PEX5L: variants seen among roughly 807,000 people sequenced by gnomAD.
PEX5L encodes PEX5-related protein.
In PEX5L, 30 loss-of-function variants were observed where a neutral mutation model predicts 84.0. The ratio of observed to expected loss-of-function variants is 0.36; its 90% confidence interval spans 0.27 to 0.48. PEX5L has a LOEUF of 0.48. Among genes scored for constraint, PEX5L ranks in the 20% least tolerant of loss-of-function variants. The pLI is 0.99. For synonymous variants in PEX5L, 270 were observed against 283.1 expected (o/e 0.95, Z 0.46); for missense variants, 533 against 754.6 (o/e 0.71, Z 3.44).
At chr3:179,873,665 G>A (rs6769641) in intron 7 of PEX5L, among the ~76,000 whole-genome samples, 69,944 of 151,920 alleles carry the variant, frequency 0.46, 16,523 homozygotes, top group East Asian at 0.79. Flanking sequence ...ACTTCCACCA[G>A]TGATTTAGCT....
At chr3:179,818,668 T>TA (rs924644082) in intron 9 of PEX5L, among the ~76,000 whole-genome samples, 44 of 152,080 alleles carry the variant, frequency 2.9e-4, no homozygotes, top group African/African-American at 1.0e-3. Context: ...TCATTTGTTT[T>TA]AAATTTAGCT....
chr3:179,977,999 T>TGGGTGAGA (rs1785974951), intron 1 of PEX5L, among the ~76,000 whole-genome samples: 1 of 152,206 alleles, frequency 6.6e-6, no homozygotes, highest in Non-Finnish European at 1.5e-5. Context: ...ATGTACGTTG[T>TGGGTGAGA]TGGGTGAGAA....
At chr3:179,893,345 C>A (rs1448012609) in intron 3 of PEX5L, among the ~76,000 whole-genome samples, 1 of 152,096 alleles carries the variant, frequency 6.6e-6, no homozygotes, top group Admixed American at 6.6e-5. Context: ...TAAAATTAAA[C>A]TATTAAATAA....
In PEX5L at chr3:179,819,859, C is replaced by A. The variant is rs1727758952; in HGVS notation, c.939+1G>T. The A allele has an allele frequency of 5.0e-6, 8 of 1,613,796 alleles. No individual in the cohort carries two copies. The highest frequency in any genetic ancestry group is 6.8e-6 in the Non-Finnish European group (8 of 1,179,754). ...GCATGTATAGGAACAGAATTGGTTA[C>A]CTTCTCACTAGCCGAGATGGTTACT... On this transcript the variant is annotated splice_donor_variant, in intron 9 of 14. Transcript: ENST00000467460. LOFTEE classifies it high-confidence loss of function.
At chr3:179,951,035 C>T (rs1778951562) in intron 2 of PEX5L, among the ~76,000 whole-genome samples, 1 of 152,208 alleles carries the variant, frequency 6.6e-6, no homozygotes, top group Admixed American at 6.5e-5. Flanking sequence ...AGTCTGTTCT[C>T]TTTTGTCAGG....
rs1308247609 is a variant in PEX5L at position 179,880,015 on chromosome 3, T to C, written c.419A>G (p.Lys140Arg). The change falls in exon 5 of 15, where the codon AAG becomes AGG. Residue 140 changes from lysine to arginine, a missense_variant. Coordinates refer to ENST00000467460, the MANE Select transcript of PEX5L (RefSeq NM_016559.3). ...PSSKTSSLKK[K>R]ADGSDLISTD... The stretch of plus-strand genomic sequence containing the variant: ...GCTGATGAGGTCAGATCCATCGGCC[T>C]TTTTCTTGAGGGATGAGGTTTTTGA... 1 of 1,613,222 alleles carries C rather than the reference T, an allele frequency of 6.2e-7. No homozygotes were observed. The highest frequency in any genetic ancestry group is 1.7e-5 in the Admixed American group (1 of 59,916).
At chr3:179,995,017 GTGAGT>G (rs1207419813) in intron 1 of PEX5L, among the ~76,000 whole-genome samples, 1 of 150,200 alleles carries the variant, frequency 6.7e-6, no homozygotes, top group Non-Finnish European at 1.5e-5. Flanking sequence ...TGTAGTTAGT[GTGAGT>G]TAATACTTAA....
intron 8 of PEX5L, among the ~76,000 whole-genome samples, chr3:179,831,197 C>A (rs1397495463): frequency 6.6e-6 from 1 of 151,866 alleles, no homozygotes; most frequent in East Asian, 1.9e-4. Flanking sequence ...TGCCTGTAAT[C>A]CCAGCTACTC....
rs1784807202 is a variant in PEX5L, at chr3:179,971,769, T to A, written c.22-104A>T. 5.6e-6 allele frequency: 6 copies of A among 1,072,926 alleles called. No individual in the cohort carries two copies. The South Asian group carries it at 6.4e-5, about 11-fold the overall frequency. The allele number at this position is 1,072,926 out of a possible 1,614,324, so 66.5% of individuals were successfully genotyped here. On this transcript the variant is annotated intron_variant, in intron 1 of 14. Transcript: ENST00000467460. The stretch of plus-strand genomic sequence containing the variant: ...TAAAAGTCTTAGCCTTGTTCACCAG[T>A]CATAATGCATCATTCTTTATATAAA...
At chr3:179,871,513 T>C (rs1750383141) in intron 7 of PEX5L, among the ~76,000 whole-genome samples, 1 of 152,236 alleles carries the variant, frequency 6.6e-6, no homozygotes, top group Non-Finnish European at 1.5e-5. Context: ...TCTAACAGTA[T>C]ATTGTTAAAT....
At chr3:179,813,870 G>T (rs1205716339) in intron 10 of PEX5L, among the ~76,000 whole-genome samples, 2 of 151,334 alleles carry the variant, frequency 1.3e-5, no homozygotes, top group African/African-American at 4.8e-5. Flanking sequence ...TAGAGGCGGG[G>T]TTTCACCTTG....
intron 8 of PEX5L, among the ~76,000 whole-genome samples, chr3:179,835,926 A>G (rs115527661): frequency 1.1e-3 from 175 of 152,342 alleles, no homozygotes; most frequent in African/African-American, 4.0e-3. Context: ...TCATTTAGGT[A>G]TCTGTATTGG....
At position 179,880,171 on chromosome 3, in the gene PEX5L, A is replaced by T. The variant is rs373042843; in HGVS notation, c.311-48T>A. On this transcript the variant is annotated intron_variant, in intron 4 of 14. Coordinates refer to ENST00000467460, the MANE Select transcript of PEX5L (RefSeq NM_016559.3). Reference sequence around the variant, plus strand: ...AGATAAGCCCATTTACTACTCTGAAATTATTTAAAATAGGTTTCAGTTGGG... The same window carrying T: ...AGATAAGCCCATTTACTACTCTGAATTTATTTAAAATAGGTTTCAGTTGGG... 2.3e-5 allele frequency: 27 copies of T among 1,179,282 alleles called. No homozygotes were observed. The African/African-American group carries it at 4.2e-4, about 18-fold the overall frequency. 73.1% of individuals were successfully genotyped at this position (1,179,282 alleles called of 1,614,324 possible).
chr3:180,034,141 C>T (rs1247566420), intron 1 of PEX5L, among the ~76,000 whole-genome samples: 3 of 152,180 alleles, frequency 2.0e-5, no homozygotes, highest in South Asian at 4.1e-4. Context: ...CCTGCCCCTA[C>T]TTCAAACTGC....
intron 8 of PEX5L, among the ~76,000 whole-genome samples, chr3:179,849,847 A>C (rs1301533998): frequency 2.0e-5 from 3 of 152,222 alleles, no homozygotes; most frequent in African/African-American, 7.2e-5. Flanking sequence ...TCTCAGATTT[A>C]AAGTTAAGGG....
chr3:179,810,087 C>A (rs1273336973), intron 11 of PEX5L, among the ~76,000 whole-genome samples: 3 of 136,106 alleles, frequency 2.2e-5, no homozygotes, highest in African/African-American at 2.7e-5. Context: ...GATCTTGGCT[C>A]ACTGCAACCT....
At chr3:180,030,711 G>A (rs1791376589) in intron 1 of PEX5L, among the ~76,000 whole-genome samples, 1 of 152,150 alleles carries the variant, frequency 6.6e-6, no homozygotes, top group Non-Finnish European at 1.5e-5. Flanking sequence ...TTCTTCTCCT[G>A]GAATTTCCAT....
intron 7 of PEX5L, among the ~76,000 whole-genome samples, chr3:179,859,392 T>C (rs927469307): frequency 1.3e-5 from 2 of 152,178 alleles, no homozygotes; most frequent in Non-Finnish European, 2.9e-5. Flanking sequence ...CCTGGACATA[T>C]TGAAACCACT....
intron 4 of PEX5L, among the ~76,000 whole-genome samples, chr3:179,884,518 A>G (rs1240605151): frequency 6.6e-6 from 1 of 152,202 alleles, no homozygotes; most frequent in Non-Finnish European, 1.5e-5. Context: ...TTCTATTGAC[A>G]TCTTGATTTT....
Sources: allele counts gnomAD v4.1 joint callset (sites outside exome capture counted in the v4.1 genomes callset), GRCh38; gene constraint gnomAD v4.1.1; transcripts MANE v1.5; gene names NCBI Gene and HGNC (gene_info 2026-07-23, HGNC 2026-07-21).